Variants in FAM135B observed in about 807,000 individuals in gnomAD.
FAM135B encodes the protein family with sequence similarity 135 member B, also known as protein FAM135B.
Under a neutral mutation model 127.7 loss-of-function variants are expected in FAM135B, and 43 were observed. That is an observed-to-expected ratio of 0.34 (90% CI 0.26 to 0.43). The LOEUF is 0.43. FAM135B is among the 20% of genes least tolerant of loss of function. The pLI is 1.00. For missense variants in FAM135B, 1,558 were observed against 1,725.6 expected (o/e 0.90, Z 1.72); for synonymous variants, 670 against 665.1 (o/e 1.01, Z -0.11).
intron 1 of FAM135B, among the ~76,000 whole-genome samples, chr8:138,471,089 A>G (rs1837649629): frequency 6.6e-6 from 1 of 152,208 alleles, no homozygotes; most frequent in East Asian, 1.9e-4. Context: ...GAAATTGCAA[A>G]GCCTTGTGGG....
rs1379687270 is a variant in FAM135B at position 138,250,926 on chromosome 8, G to C, written c.457C>G (p.Pro153Ala). The change falls in exon 6 of 20, where the codon CCG becomes GCG. Residue 153 changes from proline (P) to alanine (A), a missense_variant. Coordinates refer to ENST00000395297, the MANE Select transcript of FAM135B (RefSeq NM_015912.4). Reference protein sequence around the residue: ...HPRNGLHHQVPVMFDYFHLSV... With the variant: ...HPRNGLHHQVAVMFDYFHLSV... The stretch of plus-strand genomic sequence containing the variant: ...AGGTGGAAATAGTCGAACATGACCG[G>C]GACCTGGTGGTGCAGACCATTCCGG... 1 of 1,613,846 alleles carries C rather than the reference G, an allele frequency of 6.2e-7. No individual in the cohort carries two copies. The highest frequency in any genetic ancestry group is 8.5e-7 in the Non-Finnish European group (1 of 1,179,964).
intron 1 of FAM135B, chr8:138,438,289 T>C (rs1564002268): frequency 1.3e-5 from 2 of 152,302 alleles, no homozygotes; most frequent in African/African-American, 2.4e-5. Flanking sequence ...CGGGTGGCTA[T>C]TGAAGAGCCA....
intron 3 of FAM135B, among the ~76,000 whole-genome samples, chr8:138,296,860 T>G (rs1203088224): frequency 1.3e-5 from 2 of 152,216 alleles, no homozygotes; most frequent in Non-Finnish European, 2.9e-5. Context: ...GATCAATTAT[T>G]GTTTCAAAGT....
intron 1 of FAM135B, among the ~76,000 whole-genome samples, chr8:138,431,339 C>T (rs1476941392): frequency 2.0e-5 from 3 of 152,094 alleles, no homozygotes; most frequent in Admixed American, 2.0e-4. Flanking sequence ...CATAATATGC[C>T]TCTTAATTAA....
chr8:138,258,684 C>T (rs1052000077), intron 4 of FAM135B, among the ~76,000 whole-genome samples: 19 of 152,120 alleles, frequency 1.2e-4, no homozygotes, highest in African/African-American at 4.6e-4. Context: ...TATGACTTTA[C>T]AATGCTTTAA....
chr8:138,446,776 A>C (rs905030824), intron 1 of FAM135B, among the ~76,000 whole-genome samples: 1 of 151,970 alleles, frequency 6.6e-6, no homozygotes, highest in African/African-American at 2.4e-5. Context: ...CACCAAAAGC[A>C]ATGGCAACAA....
intron 12 of FAM135B, among the ~76,000 whole-genome samples, chr8:138,161,943 T>C (rs191111905): frequency 7.4e-6 from 1 of 135,252 alleles, no homozygotes; most frequent in African/African-American, 2.9e-5. Context: ...GCTAGCATCA[T>C]GGCTAGTACA....
chr8:138,384,346 A>ATTTATTT (rs2131298901), intron 1 of FAM135B, among the ~76,000 whole-genome samples: 1 of 35,730 alleles, frequency 2.8e-5, no homozygotes, highest in Non-Finnish European at 5.8e-5. Flanking sequence ...CATAGGCTCC[A>ATTTATTT]TTTATTTATT....
chr8:138,495,045 A>C (rs1376764807), intron 1 of FAM135B, among the ~76,000 whole-genome samples: 2 of 152,176 alleles, frequency 1.3e-5, no homozygotes, highest in Non-Finnish European at 2.9e-5. Context: ...TGAGTCACTG[A>C]CTAATATTTC....
At chr8:138,407,295 G>A (rs200316445) in intron 1 of FAM135B, among the ~76,000 whole-genome samples, 5 of 151,868 alleles carry the variant, frequency 3.3e-5, no homozygotes, top group South Asian at 2.1e-4. Flanking sequence ...ATGCTCATGG[G>A]TAGGAAGAAT....
intron 1 of FAM135B, among the ~76,000 whole-genome samples, chr8:138,475,664 C>T (rs1401431774): frequency 1.3e-5 from 2 of 152,200 alleles, no homozygotes; most frequent in Non-Finnish European, 1.5e-5. Flanking sequence ...TTCAGGACCT[C>T]ACTAATTCTT....
At chr8:138,236,810 T>C (rs1820310371) in intron 7 of FAM135B, among the ~76,000 whole-genome samples, 1 of 152,246 alleles carries the variant, frequency 6.6e-6, no homozygotes, top group African/African-American at 2.4e-5. Flanking sequence ...TTCCTTTGTT[T>C]CATGTACAAC....
intron 12 of FAM135B, among the ~76,000 whole-genome samples, chr8:138,163,136 C>T (rs928412939): frequency 2.0e-5 from 3 of 152,168 alleles, no homozygotes; most frequent in Admixed American, 2.0e-4. Flanking sequence ...ATGCCAGTTG[C>T]TCTTTTAAGT....
chr8:138,246,565 T>C (rs901070309), intron 6 of FAM135B, among the ~76,000 whole-genome samples: 2 of 152,156 alleles, frequency 1.3e-5, no homozygotes, highest in African/African-American at 4.8e-5. Flanking sequence ...CACCTAGATT[T>C]CAGAGGCTAT....
At chr8:138,448,039 C>T (rs1836289453) in intron 1 of FAM135B, among the ~76,000 whole-genome samples, 3 of 149,016 alleles carry the variant, frequency 2.0e-5, no homozygotes, top group Admixed American at 1.3e-4. Context: ...AGGCCTCAAG[C>T]TAATCTAAGG....
chr8:138,295,687 C>T (rs931744129), intron 3 of FAM135B, among the ~76,000 whole-genome samples: 2 of 152,094 alleles, frequency 1.3e-5, no homozygotes, highest in South Asian at 2.1e-4. Context: ...CCTATCTTCT[C>T]GTGTACATTA....
intron 1 of FAM135B, among the ~76,000 whole-genome samples, chr8:138,445,707 G>A (rs575640809): frequency 6.6e-6 from 1 of 152,242 alleles, no homozygotes; most frequent in South Asian, 2.1e-4. Flanking sequence ...ATACTGAATG[G>A]ACAAGAACAG....
intron 3 of FAM135B, among the ~76,000 whole-genome samples, chr8:138,273,366 C>T (rs1353033601): frequency 3.9e-5 from 6 of 152,018 alleles, no homozygotes; most frequent in Admixed American, 2.0e-4. Context: ...CCACCATGCC[C>T]GGCTAATTTT....
rs1257412797 is a variant in FAM135B at position 138,497,171 on chromosome 8, G to A, written c.-520C>T. ...GGCCAGACCCTCCGCGCCGCGCCGC[G>A]CGCCCTCGCGGCCGGGAGAGCCCGC... On this transcript the variant is annotated 5_prime_UTR_variant, in exon 1 of 20. Transcript: ENST00000395297. Among the ~76,000 whole-genome samples, 4 of 151,110 alleles carry A rather than the reference G, an allele frequency of 2.6e-5. No homozygotes were observed. Among genetic ancestry groups the A allele is most frequent in the Non-Finnish European group, 5.9e-5 (4 of 67,736 alleles).
Sources: allele counts gnomAD v4.1 joint callset (sites outside exome capture counted in the v4.1 genomes callset), GRCh38; gene constraint gnomAD v4.1.1; transcripts MANE v1.5; gene names NCBI Gene and HGNC (gene_info 2026-07-23, HGNC 2026-07-21).